LPP: variants seen among roughly 807,000 people sequenced by gnomAD.
LPP encodes the protein lipoma-preferred partner.
Under a neutral mutation model 60.4 loss-of-function variants are expected in LPP, and 38 were observed. The observed-to-expected ratio is 0.63, with a 90% CI of 0.49 to 0.83. The LOEUF (loss-of-function observed/expected upper bound fraction) is 0.83. LPP is among the 40% of genes least tolerant of loss of function. The probability of loss-of-function intolerance (pLI) is 0.00; values close to 1 mark genes in which losing one functional copy is unlikely to be tolerated. For synonymous variants in LPP, 328 were observed against 290.8 expected, an observed-to-expected ratio of 1.13 and a Z score of -1.30; for missense variants, 902 against 783.6, an observed-to-expected ratio of 1.15 and a Z score of -1.80.
At chr3:188,693,284 G>A (rs952323185) in intron 7 of LPP, among the ~76,000 whole-genome samples, 1 of 152,176 alleles carries the variant, frequency 6.6e-6, no homozygotes, top group Non-Finnish European at 1.5e-5. Context: ...ACTTCATGAT[G>A]TCTCAATTTC....
chr3:188,587,713 A>AT (rs1349268824), intron 6 of LPP, among the ~76,000 whole-genome samples: 2 of 152,186 alleles, frequency 1.3e-5, no homozygotes, highest in African/African-American at 4.8e-5. Context: ...GAATTATCTG[A>AT]TGCAATGTAC....
chr3:188,359,301 G>A (rs1171064670), intron 3 of LPP, among the ~76,000 whole-genome samples: 5 of 152,198 alleles, frequency 3.3e-5, no homozygotes, highest in Admixed American at 3.3e-4. Flanking sequence ...AACTTGAGGA[G>A]CTGCAGCCCC....
At chr3:188,416,345 T>G (rs1285437889) in intron 4 of LPP, among the ~76,000 whole-genome samples, 2 of 152,132 alleles carry the variant, frequency 1.3e-5, no homozygotes, top group African/African-American at 4.8e-5. Context: ...AAGTCCTAGG[T>G]CCCATCACAA....
intron 1 of LPP, among the ~76,000 whole-genome samples, chr3:188,194,555 A>G (rs189322642): frequency 9.2e-5 from 14 of 152,308 alleles, no homozygotes; most frequent in Non-Finnish European, 1.0e-4. Context: ...CTCAGGGAAA[A>G]CCTAGTTTCT....
chr3:188,694,624 C>T (rs112066697), intron 7 of LPP, among the ~76,000 whole-genome samples: 4,956 of 152,020 alleles, frequency 0.033, 130 homozygotes, highest in South Asian at 0.1. Context: ...ATCACTTGAA[C>T]CCGGGAGTCA....
chr3:188,374,223 A>C (rs957696969), intron 3 of LPP, among the ~76,000 whole-genome samples: 5 of 152,094 alleles, frequency 3.3e-5, no homozygotes, highest in Non-Finnish European at 5.9e-5. Context: ...ACTTTAAAGT[A>C]GTTTTTTCCA....
intron 2 of LPP, among the ~76,000 whole-genome samples, chr3:188,250,893 TTTC>T (rs1357210515): frequency 3.5e-5 from 5 of 143,134 alleles, no homozygotes; most frequent in Middle Eastern, 6.5e-3. Context: ...TCTCTCTTTC[TTTC>T]TTCTGTTTCC....
At chr3:188,529,330 A>G (rs556589110) in intron 6 of LPP, among the ~76,000 whole-genome samples, 1 of 152,326 alleles carries the variant, frequency 6.6e-6, no homozygotes, top group Non-Finnish European at 1.5e-5. Context: ...ATTTTTGTTC[A>G]AAGCAAATTT....
chr3:188,881,131 C>A lies in LPP; in HGVS notation c.*6652C>A. 1 of 39,968 alleles carries A rather than the reference C, an allele frequency of 2.5e-5. No individual in the cohort carries two copies. The allele number at this position is 39,968 out of a possible 1,614,324, so 2.5% of individuals were successfully genotyped here. ...GTCCGGCCTGGGCGAAAGAGCGAGA[C>A]TCCGTCTCAAAAAAAAAAAAAAAAA... On this transcript the variant is annotated 3_prime_UTR_variant, in exon 12 of 12. Transcript: ENST00000617246.
intron 4 of LPP, among the ~76,000 whole-genome samples, chr3:188,409,976 A>G (rs1428571945): frequency 6.6e-6 from 1 of 152,192 alleles, no homozygotes; most frequent in Non-Finnish European, 1.5e-5. Flanking sequence ...TTCTAATGGC[A>G]AACTGTTCTT....
At chr3:188,824,639 G>A (rs1286056535) in intron 9 of LPP, among the ~76,000 whole-genome samples, 2 of 152,104 alleles carry the variant, frequency 1.3e-5, no homozygotes, top group African/African-American at 2.4e-5. Flanking sequence ...CTTTAACCGC[G>A]TGCAAAATTG....
chr3:188,447,901 C>T (rs1461865247), intron 4 of LPP, among the ~76,000 whole-genome samples: 2 of 152,194 alleles, frequency 1.3e-5, no homozygotes, highest in Non-Finnish European at 2.9e-5. Flanking sequence ...CATTTACTCT[C>T]ATTTGATTGT....
chr3:188,750,425 G>A (rs1727692720), intron 8 of LPP, among the ~76,000 whole-genome samples: 1 of 152,274 alleles, frequency 6.6e-6, no homozygotes, highest in Non-Finnish European at 1.5e-5. Context: ...GATGTCAGGA[G>A]TTTGAGACTA....
chr3:188,659,149 G>A (rs569787492), intron 7 of LPP, among the ~76,000 whole-genome samples: 5 of 152,036 alleles, frequency 3.3e-5, no homozygotes, highest in Non-Finnish European at 7.4e-5. Flanking sequence ...TAACCTGTTA[G>A]GTAGCAGGGA....
At chr3:188,398,817 T>C (rs1490867506) in intron 3 of LPP, among the ~76,000 whole-genome samples, 2 of 152,244 alleles carry the variant, frequency 1.3e-5, no homozygotes, top group African/African-American at 2.4e-5. Flanking sequence ...TTGTGCATGA[T>C]ACATCTTGAT....
intron 6 of LPP, among the ~76,000 whole-genome samples, chr3:188,586,787 G>A (rs1167853501): frequency 2.7e-5 from 4 of 150,292 alleles, no homozygotes; most frequent in Admixed American, 2.0e-4. Context: ...GAGTGCAGTG[G>A]CCCGATCTTG....
rs1388317207 is a variant in LPP, at chr3:188,804,277, A to ATATATATATG, written c.1410+44001_1410+44002insTATGTATATA. ...TATATATATATATATATATATATAT[A>ATATATATATG]TATATAAAATGGAATACAATTCAGC... On this transcript the variant is annotated intron_variant, in intron 9 of 11. Transcript: ENST00000617246. Among the ~76,000 whole-genome samples, 4 of 126,140 alleles carry ATATATATATG rather than the reference A, an allele frequency of 3.2e-5. No homozygotes were observed. The Admixed American group carries it at 3.5e-4, about 11-fold the overall frequency. 82.8% of individuals were successfully genotyped at this position (126,140 alleles called of 152,430 possible). A position where few individuals can be genotyped will look rare whatever the true frequency, so the allele number is the denominator to read the frequency against.
chr3:188,177,110 C>T (rs1723261560), intron 1 of LPP, among the ~76,000 whole-genome samples: 1 of 152,134 alleles, frequency 6.6e-6, no homozygotes, highest in African/African-American at 2.4e-5. Flanking sequence ...AGGGAGAGAC[C>T]TGGTAGAAAG....
At chr3:188,840,356 A>T (rs988495095) in intron 9 of LPP, among the ~76,000 whole-genome samples, 5 of 152,202 alleles carry the variant, frequency 3.3e-5, no homozygotes, top group African/African-American at 1.2e-4. Flanking sequence ...CTAGATACTG[A>T]AAATGCAAAA....
Sources: allele counts gnomAD v4.1 joint callset (sites outside exome capture counted in the v4.1 genomes callset), GRCh38; gene constraint gnomAD v4.1.1; transcripts MANE v1.5; gene names NCBI Gene and HGNC (gene_info 2026-07-23, HGNC 2026-07-21).